LPAR6: variants seen among roughly 807,000 people sequenced by gnomAD.
LPAR6 encodes lysophosphatidic acid receptor 6, also known as G-protein coupled purinergic receptor P2Y5.
LPAR6 carries 17 observed loss-of-function variants against 22.0 expected under a neutral mutation model. The ratio of observed to expected loss-of-function variants is 0.77; its 90% CI spans 0.53 to 1.16. LPAR6 has a LOEUF of 1.16. Ranked by LOEUF, LPAR6 falls within the 50% of genes most tolerant of loss-of-function variation. The pLI, the probability that LPAR6 is intolerant of heterozygous loss-of-function variation, is 0.00. For synonymous variants in LPAR6, 136 were observed against 139.8 expected, an observed-to-expected ratio of 0.97 and a Z score of 0.19; for missense variants, 384 against 406.9, an observed-to-expected ratio of 0.94 and a Z score of 0.48.
downstream of LPAR6, among the ~76,000 whole-genome samples, chr13:48,407,382 A>C (rs936424726): frequency 1.3e-5 from 2 of 152,184 alleles, no homozygotes; most frequent in Admixed American, 1.3e-4. Context: ...GGAGAGGCTT[A>C]ACACTATCAT....
intron 1 of LPAR6, among the ~76,000 whole-genome samples, chr13:48,441,213 A>G (rs1593519379): frequency 6.6e-6 from 1 of 152,176 alleles, no homozygotes; most frequent in East Asian, 1.9e-4. Context: ...CCTTCTTACC[A>G]TGTCCTCAGA....
In LPAR6 at chr13:48,412,323, G is replaced by C; in HGVS notation, c.101C>G (p.Ser34Cys). ...FSMVFVLGLI[S>C]NCVAIYIFIC... Reference sequence around the variant, plus strand: ...GAAAATGTATATGGCAACACAATTGGATATTAACCCAAGCACAAACACCAT... The same window carrying C: ...GAAAATGTATATGGCAACACAATTGCATATTAACCCAAGCACAAACACCAT... Residue 34 changes from serine (S) to cysteine (C), a missense_variant, in exon 1 of 1, where the codon TCC (serine) becomes TGC (cysteine). Transcript: ENST00000620633. The C allele has an allele frequency of 6.2e-7, 1 of 1,612,538 alleles. No individual in the cohort carries two copies. Among genetic ancestry groups the C allele is most frequent in the South Asian group, 1.1e-5 (1 of 91,048 alleles).
At chr13:48,416,843 A>G (rs1370261710), upstream of LPAR6, among the ~76,000 whole-genome samples, 1 of 152,136 alleles carries the variant, frequency 6.6e-6, no homozygotes, top group East Asian at 1.9e-4. Context: ...GGTGGAGCCC[A>G]CTGTAGCCCA....
In LPAR6 at chr13:48,420,098, C is replaced by T. The variant is rs181863450; in HGVS notation, c.-954+2552G>A. Among the ~76,000 whole-genome samples, 33 of 152,102 alleles carry T rather than the reference C, an allele frequency of 2.2e-4. 1 individual carries two copies. The East Asian group carries it at 5.2e-3, about 24-fold the overall frequency. ...GAGACACAACAAAAAAAGAAAATTT[C>T]GGCCAATATCCTTGATGAATATCGA... On this transcript the variant is annotated intron_variant, in intron 2 of 4. Coordinates refer to the LPAR6 transcript ENST00000345941.
chr13:48,419,998 A>G (rs933749550), intron 2 of LPAR6, among the ~76,000 whole-genome samples: 2 of 152,226 alleles, frequency 1.3e-5, no homozygotes, highest in East Asian at 3.8e-4. Flanking sequence ...AAACTATTCC[A>G]AGCAATAGAA....
intron 1 of LPAR6, among the ~76,000 whole-genome samples, chr13:48,433,670 T>TAACA (rs1949153358): frequency 8.4e-6 from 1 of 118,898 alleles, no homozygotes; most frequent in African/African-American, 2.9e-5. Context: ...GTTTTACTGT[T>TAACA]AACAAAAATG....
chr13:48,413,113 T>C lies in LPAR6; in HGVS notation c.-690A>G, dbSNP rs558621822. On this transcript the variant is annotated 5_prime_UTR_variant, in exon 1 of 1. Transcript: ENST00000620633. Reference sequence around the variant, plus strand: ...AGTTGTATCTTGAGGTCGCTTTCTCTGAAGTGAAAAAGAAAGGCTTCCTAG... The same window carrying C: ...AGTTGTATCTTGAGGTCGCTTTCTCCGAAGTGAAAAAGAAAGGCTTCCTAG... 1.4e-4 allele frequency: 23 copies of C among 167,284 alleles called. No homozygotes were observed. Among genetic ancestry groups the C allele is most frequent in the African/African-American group, 5.3e-4 (22 of 41,594 alleles). 10.4% of individuals were successfully genotyped at this position (167,284 alleles called of 1,614,324 possible).
At position 48,411,871 on chromosome 13, in the gene LPAR6, C is replaced by A. The variant is rs201663895; in HGVS notation, c.553G>T (p.Val185Leu). ...AATCCCACTATTTCGATGAAAATTACAATCCTTGAGAGATATGTTTTCCAT... is the reference window on the plus strand; with the variant it reads ...AATCCCACTATTTCGATGAAAATTAAAATCCTTGAGAGATATGTTTTCCAT... ...ATWKTYLSRIVIFIEIVGFFI... is the reference protein window; with the variant it reads ...ATWKTYLSRILIFIEIVGFFI... The change falls in exon 1 of 1, where the codon GTA (valine) becomes TTA (leucine). Residue 185 changes from valine (V) to leucine (L), a missense_variant. Transcript: ENST00000620633. 1.2e-6 allele frequency: 2 copies of A among 1,613,642 alleles called. No individual in the cohort carries two copies.
chr13:48,412,237 C>G lies in LPAR6; in HGVS notation c.187G>C (p.Asp63His), dbSNP rs1290572186. 6.2e-7 allele frequency: 1 copy of G among 1,614,068 alleles called. No individual in the cohort carries two copies. The highest frequency in any genetic ancestry group is 8.5e-7 in the Non-Finnish European group (1 of 1,179,980). ...TTYMINLAMS[D>H]LLFVFTLPFR... The stretch of plus-strand genomic sequence containing the variant: ...GGTAAAGTAAAAACAAAAAGCAAGT[C>G]TGACATTGCCAAGTTAATCATGTAA... The change falls in exon 1 of 1, where the codon GAC becomes CAC. Residue 63 changes from aspartate (D) to histidine (H), a missense_variant. Asp to His is a moderately conservative substitution (Grantham distance 81, BLOSUM62 -1). Coordinates refer to ENST00000620633, the MANE Select transcript of LPAR6 (RefSeq NM_001162498.3).
In LPAR6 at chr13:48,411,675, A is replaced by G. The variant is rs769846725; in HGVS notation, c.749T>C (p.Ile250Thr). ...TTGTGTTCTCACAAGAGAATATAAA[A>G]TAAGATTGATATTGTAAGGAACAAA... Reference protein sequence around the residue: ...FCFVPYNINLILYSLVRTQTF... With the variant: ...FCFVPYNINLTLYSLVRTQTF... Residue 250 changes from isoleucine (I) to threonine (T), a missense_variant, in exon 1 of 1, where the codon ATT becomes ACT. Physicochemically the swap from Ile to Thr is moderately conservative, Grantham distance 89. Coordinates refer to ENST00000620633, the MANE Select transcript of LPAR6 (RefSeq NM_001162498.3). 5.6e-6 allele frequency: 9 copies of G among 1,610,228 alleles called. No homozygotes were observed. Among genetic ancestry groups the G allele is most frequent in the Non-Finnish European group, 7.6e-6 (9 of 1,176,784 alleles).
downstream of LPAR6, chr13:48,406,663 T>A (rs558788468): frequency 6.6e-6 from 1 of 152,344 alleles, no homozygotes; most frequent in Admixed American, 6.5e-5. Flanking sequence ...CCACTTTGAA[T>A]GTTTTAATTC....
In LPAR6 at chr13:48,400,474, A is replaced by C. The variant is rs1948682205; in HGVS notation, n.115-10662T>G. Reference sequence around the variant, plus strand: ...TTTACTGTTTGGTATGTGCATTGTCATGATTCGTTTATTTGCTCATGTTTT... The same window carrying C: ...TTTACTGTTTGGTATGTGCATTGTCCTGATTCGTTTATTTGCTCATGTTTT... On this transcript the variant is annotated intron_variant and non_coding_transcript_variant, in intron 1 of 1. Coordinates refer to the LPAR6 transcript ENST00000462781. 1.3e-5 allele frequency among the ~76,000 whole-genome samples: 2 copies of C among 152,060 alleles called. 1 individual carries two copies. Among genetic ancestry groups the C allele is most frequent in the South Asian group, 4.1e-4 (2 of 4,828 alleles).
chr13:48,418,396 A>C (rs1246264551), intron 2 of LPAR6, among the ~76,000 whole-genome samples: 1 of 152,230 alleles, frequency 6.6e-6, no homozygotes, highest in Non-Finnish European at 1.5e-5. Flanking sequence ...AAATATGGAA[A>C]GGAAAAATTG....
intron 1 of LPAR6, among the ~76,000 whole-genome samples, chr13:48,433,695 T>TA (rs1949154032): frequency 1.3e-5 from 2 of 151,640 alleles, no homozygotes; most frequent in African/African-American, 4.8e-5. Context: ...TTTTTTTTTT[T>TA]ACCTTTAGTA....
At chr13:48,438,732 T>C (rs1949207710) in intron 1 of LPAR6, among the ~76,000 whole-genome samples, 2 of 152,206 alleles carry the variant, frequency 1.3e-5, no homozygotes, top group Non-Finnish European at 2.9e-5. Flanking sequence ...TTACCTTCTT[T>C]CTAGAGTTTG....
intron 1 of LPAR6, among the ~76,000 whole-genome samples, chr13:48,395,084 A>T (rs1369026712): frequency 4.5e-5 from 1 of 22,196 alleles, no homozygotes. Context: ...TGCAACCTCC[A>T]CTGGTGATAC....
intron 1 of LPAR6, among the ~76,000 whole-genome samples, chr13:48,424,863 G>A (rs1257047869): frequency 6.6e-6 from 1 of 152,006 alleles, no homozygotes; most frequent in East Asian, 1.9e-4. Context: ...AACCAGCCTG[G>A]CCAACATGGT....
chr13:48,413,311 A>G (rs886797975), upstream of LPAR6, among the ~76,000 whole-genome samples: 1 of 152,106 alleles, frequency 6.6e-6, no homozygotes, highest in African/African-American at 2.4e-5. Context: ...AACTCTTTTT[A>G]TGTGGAAATG....
chr13:48,441,694 CA>C (rs1949238378), intron 1 of LPAR6, among the ~76,000 whole-genome samples: 1 of 151,928 alleles, frequency 6.6e-6, no homozygotes, highest in Non-Finnish European at 1.5e-5. Context: ...CAATTTTTAA[CA>C]AAAAAGTTTA....
Sources: gnomAD v4.1 joint callset for allele counts (sites outside exome capture counted in the v4.1 genomes callset) on GRCh38, gnomAD v4.1.1 for gene constraint, MANE v1.5 for transcripts, NCBI Gene and HGNC (gene_info 2026-07-23, HGNC 2026-07-21) for gene names.